The following NOA1 variants were observed in gnomAD, a reference collection of about 807,000 sequenced individuals.
The protein encoded by NOA1 is nitric oxide-associated protein 1.
NOA1 carries 35 observed loss-of-function variants against 58.4 expected under a neutral mutation model. The observed-to-expected ratio is 0.60, with a 90% CI of 0.46 to 0.79. The LOEUF is 0.79. Among genes scored for constraint, NOA1 ranks in the 30% least tolerant of loss-of-function variants. The pLI is 0.00. For missense variants in NOA1, 895 were observed against 894.6 expected (o/e 1.00, Z -0.01); for synonymous variants, 397 against 373.4 (o/e 1.06, Z -0.73).
At chr4:56,968,333 G>A (rs1721754047) in intron 4 of NOA1, 51 bp downstream of exon 4, 7 of 1,563,144 alleles carry the variant, frequency 4.5e-6, no homozygotes, top group Non-Finnish European at 5.2e-6. Flanking sequence ...CTTCCTTAAA[G>A]TGAATCCCAA....
rs1721923508 is a variant in NOA1 at position 56,976,449 on chromosome 4, A to G, written c.1137T>C (p.Pro379=). 1 of 1,612,510 alleles carries G rather than the reference A, an allele frequency of 6.2e-7. No homozygotes were observed. The highest frequency in any genetic ancestry group is 8.5e-7 in the Non-Finnish European group (1 of 1,178,676). Residue 379 remains proline (P), a synonymous_variant, in exon 1 of 7, where the codon CCT becomes CCC. Coordinates refer to ENST00000264230, the MANE Select transcript of NOA1 (RefSeq NM_032313.4). The stretch of plus-strand genomic sequence containing the variant: ...GAGCCTCCTAAAACTCACCTGGCCA[A>G]GGGGAGATGGTGGCTCTGTCGATGG... ...SEAIDRATIS[P]WPGTTLNLLK... is the part of the protein sequence containing the mutation.
In NOA1 at chr4:56,976,809, G is replaced by A; in HGVS notation, c.777C>T (p.Gly259=). The A allele has an allele frequency of 2.2e-5, 35 of 1,611,384 alleles. No homozygotes were observed. The highest frequency in any genetic ancestry group is 3.0e-5 in the Non-Finnish European group (35 of 1,178,568). The change falls in exon 1 of 7, where the codon GGC becomes GGT. Residue 259 remains glycine, a synonymous_variant. Transcript: ENST00000264230. ...GTCGCTCCCGCAGCCTCTGCCGGTA[G>A]CCAGGAGCATCCTGGGGCAGGAGGT... The part of the protein sequence containing the change: ...KVDLLPQDAP[G]YRQRLRERLW...
At chr4:56,965,189 A>G (rs2109612267) in intron 5 of NOA1, among the ~76,000 whole-genome samples, 1 of 152,138 alleles carries the variant, frequency 6.6e-6, no homozygotes, top group South Asian at 2.1e-4. Context: ...TTTAGTAGAA[A>G]CAGGGTTTCA....
At chr4:56,975,914 G>A (rs969216049) in intron 1 of NOA1, among the ~76,000 whole-genome samples, 2 of 151,984 alleles carry the variant, frequency 1.3e-5, no homozygotes, top group South Asian at 4.1e-4. Context: ...TGGTGTGGTG[G>A]CGCATGCCTC....
chr4:56,972,032 G>A (rs187067184), intron 3 of NOA1, among the ~76,000 whole-genome samples: 108 of 152,182 alleles, frequency 7.1e-4, no homozygotes, highest in African/African-American at 2.5e-3. Context: ...GGGACTACAG[G>A]TGCCCACTAC....
intron 5 of NOA1, 101 bp downstream of exon 5, chr4:56,966,519 T>C (rs1369187031): frequency 2.4e-5 from 17 of 708,856 alleles, no homozygotes; most frequent in Non-Finnish European, 3.8e-5. Flanking sequence ...GCTCAAGATA[T>C]TGTATAACAG....
In NOA1 at chr4:56,976,530, G is replaced by A. The variant is rs141295601; in HGVS notation, c.1056C>T (p.Ser352=). The A allele has an allele frequency of 1.5e-5, 24 of 1,614,114 alleles. No homozygotes were observed. The African/African-American group carries it at 2.8e-4, about 19-fold the overall frequency. The change falls in exon 1 of 7, where the codon TCC becomes TCT. Residue 352 remains serine (S), a synonymous_variant. Coordinates refer to ENST00000264230, the MANE Select transcript of NOA1 (RefSeq NM_032313.4). Reference sequence around the variant, plus strand: ...ACTCCAGGAGCGTGTTAAAGAGAGTGGATTTGCCGGCGTTGGTGGCGCCCA... The same window carrying A: ...ACTCCAGGAGCGTGTTAAAGAGAGTAGATTTGCCGGCGTTGGTGGCGCCCA... ...YLVGATNAGK[S]TLFNTLLESD...
chr4:56,974,631 G>A (rs1017116403), intron 1 of NOA1, among the ~76,000 whole-genome samples: 1 of 139,124 alleles, frequency 7.2e-6, no homozygotes, highest in Non-Finnish European at 1.5e-5. Flanking sequence ...CAACCTGGGC[G>A]ACAGAGTGAG....
At position 56,977,029 on chromosome 4, in the gene NOA1, G is replaced by A. The variant is rs1277205368; in HGVS notation, c.557C>T (p.Ser186Leu). 1 of 1,587,414 alleles carries A rather than the reference G, an allele frequency of 6.3e-7. No individual in the cohort carries two copies. Among genetic ancestry groups the A allele is most frequent in the Non-Finnish European group, 8.5e-7 (1 of 1,171,908 alleles). The change falls in exon 1 of 7, where the codon TCG (serine) becomes TTG (leucine). Residue 186 changes from serine to leucine, a missense_variant. Around this residue, in one of 3 missense-constraint regions of NOA1, gnomAD observed 680 missense variants for 656.5 expected, o/e 1.04. Transcript: ENST00000264230. ...CAGGCGTAGAGCGCGCCGGTGGTGCGACAGCAGCCAGCAGCGCTGGCACAC... is the reference window on the plus strand; with the variant it reads ...CAGGCGTAGAGCGCGCCGGTGGTGCAACAGCAGCCAGCAGCGCTGGCACAC... ...RTVCQRCWLL[S>L]HHRRALRLQV...
intron 5 of NOA1, among the ~76,000 whole-genome samples, chr4:56,965,235 C>T (rs1478328221): frequency 1.3e-5 from 2 of 151,990 alleles, no homozygotes; most frequent in African/African-American, 2.4e-5. Flanking sequence ...CTCCTGACCT[C>T]AAGGTGATCT....
chr4:56,964,697 G>C (rs1371824888), intron 5 of NOA1, among the ~76,000 whole-genome samples, 171 bp from the exon 6 acceptor site: 1 of 152,194 alleles, frequency 6.6e-6, no homozygotes, highest in Non-Finnish European at 1.5e-5. Flanking sequence ...TGAAAAGCAA[G>C]GGAACTCTGT....
rs1432104293 is a variant in NOA1 at position 56,973,728 on chromosome 4, T to C, written c.1309+130A>G. 3.4e-6 allele frequency: 3 copies of C among 893,684 alleles called. No homozygotes were observed. In the African/African-American group the frequency reaches 5.0e-5, roughly 15 times the overall value. 55.4% of individuals were successfully genotyped at this position (893,684 alleles called of 1,614,324 possible). On this transcript the variant is annotated intron_variant, in intron 2 of 6. Coordinates refer to ENST00000264230, the MANE Select transcript of NOA1 (RefSeq NM_032313.4). ...AGTAGCCTTATCGCTAAAGGGCCTC[T>C]TTGTTGCAGAATAAGGAAGGCAGTC... is the stretch of plus-strand genomic sequence containing the variant.
chr4:56,973,143 C>T lies in NOA1; in HGVS notation c.1515+5G>A, dbSNP rs773599616. 4.3e-6 allele frequency: 7 copies of T among 1,612,198 alleles called. No homozygotes were observed. The African/African-American group carries it at 5.3e-5, about 12-fold the overall frequency. ...AAATGTTTCTAAAAGAAACCAAATACATACACAATTTTCTTTTGTAATTCC... is the reference window on the plus strand; with the variant it reads ...AAATGTTTCTAAAAGAAACCAAATATATACACAATTTTCTTTTGTAATTCC... On this transcript the variant is annotated splice_donor_5th_base_variant and intron_variant, in intron 3 of 6. Coordinates refer to ENST00000264230, the MANE Select transcript of NOA1 (RefSeq NM_032313.4).
At chr4:56,975,518 C>T (rs898081100) in intron 1 of NOA1, among the ~76,000 whole-genome samples, 6 of 151,790 alleles carry the variant, frequency 4.0e-5, no homozygotes, top group Admixed American at 2.6e-4. Flanking sequence ...GTAATCCCAG[C>T]GCTTTGGGAG....
Position 56,976,730 on chromosome 4 carries a change from G to T in NOA1, c.856C>A (p.Pro286Thr), listed in dbSNP as rs1056748064. The T allele has an allele frequency of 6.2e-7, 1 of 1,611,972 alleles. No homozygotes were observed. Among genetic ancestry groups the T allele is most frequent in the Middle Eastern group, 1.7e-4 (1 of 6,056 alleles). Residue 286 changes from proline (P) to threonine (T), a missense_variant, in exon 1 of 7, where the codon CCA becomes ACA. Pro to Thr is a conservative substitution (Grantham distance 38, BLOSUM62 -1). This residue lies in a region of NOA1 where 680 missense variants were observed against 656.5 expected (regional missense o/e 1.04). Transcript: ENST00000264230. ...GLLLAPGHQG[P>T]QRPVKDEPQD... ...GGCTCGTCCTTGACGGGGCGCTGTG[G>T]CCCTTGGTGGCCAGGGGCCAGCAGG...
Position 56,977,600 on chromosome 4 carries a change from A to G in NOA1, c.-15T>C, listed in dbSNP as rs1297224288. On this transcript the variant is annotated 5_prime_UTR_variant, in exon 1 of 7. Transcript: ENST00000264230. ...GCGGGCAGCATGAGGAAGTAGCTCCAAAGGGGCGGAGCCACCAGCGCGCAC... is the reference window on the plus strand; with the variant it reads ...GCGGGCAGCATGAGGAAGTAGCTCCGAAGGGGCGGAGCCACCAGCGCGCAC... The G allele has an allele frequency of 3.2e-6, 5 of 1,547,096 alleles. No homozygotes were observed. Among genetic ancestry groups the G allele is most frequent in the Non-Finnish European group, 4.4e-6 (5 of 1,144,924 alleles).
chr4:56,977,326 CG>C lies in NOA1; in HGVS notation c.259del (p.Arg87AlafsTer53). ...YILDPEPQPT[R>X]EKQLQELQQQ... ...CTGGAGCTCCTGCAGCTGCTTTTCG[CG>C]GGTGGGTTGCGGCTCCGGATCCAGG... is the stretch of plus-strand genomic sequence containing the variant. On this transcript the variant is annotated frameshift_variant, in exon 1 of 7. Coordinates refer to ENST00000264230, the MANE Select transcript of NOA1 (RefSeq NM_032313.4). LOFTEE classifies it high-confidence loss of function. 1 of 1,614,168 alleles carries C rather than the reference CG, an allele frequency of 6.2e-7. No individual in the cohort carries two copies. Among genetic ancestry groups the C allele is most frequent in the Non-Finnish European group, 8.5e-7 (1 of 1,180,030 alleles).
rs1375271538 is a variant in NOA1 at position 56,977,161 on chromosome 4, G to C, written c.425C>G (p.Ser142Trp). 3 of 1,557,610 alleles carry C rather than the reference G, an allele frequency of 1.9e-6. No homozygotes were observed. Among genetic ancestry groups the C allele is most frequent in the Non-Finnish European group, 2.6e-6 (3 of 1,155,592 alleles). ...GCAGTGCAGCTCTGCCCCACAGCCC[G>C]AGCAGTTCACGCCGCTGGGCGGCAA... Reference protein sequence around the residue: ...PALPPSGVNCSGCGAELHCQD... With the variant: ...PALPPSGVNCWGCGAELHCQD... The change falls in exon 1 of 7, where the codon TCG becomes TGG. Residue 142 changes from serine (S) to tryptophan (W), a missense_variant. Around this residue, in one of 3 missense-constraint regions of NOA1, gnomAD observed 680 missense variants for 656.5 expected, o/e 1.04. Coordinates refer to ENST00000264230, the MANE Select transcript of NOA1 (RefSeq NM_032313.4).
intron 6 of NOA1, among the ~76,000 whole-genome samples, chr4:56,964,131 G>C (rs1431289346): frequency 6.6e-6 from 1 of 150,884 alleles, no homozygotes; most frequent in Non-Finnish European, 1.5e-5. Flanking sequence ...GCAATGGCAT[G>C]ATCTAGGCTC....
Sources: allele counts gnomAD v4.1 joint callset (sites outside exome capture counted in the v4.1 genomes callset), GRCh38; gene constraint gnomAD v4.1.1; regional missense constraint gnomAD v4.1.1; transcripts MANE v1.5; gene names NCBI Gene and HGNC (gene_info 2026-07-23, HGNC 2026-07-21).